The following MYT1 variants were observed in gnomAD, a reference collection of about 807,000 sequenced individuals.
The protein encoded by MYT1 is myelin transcription factor 1, also known as myelin transcription factor I.
A neutral mutation model predicts 123.0 loss-of-function variants in MYT1; 23 were observed. The observed-to-expected ratio is 0.19, with a 90% CI of 0.13 to 0.26. MYT1 has a LOEUF of 0.26. Among genes scored for constraint, MYT1 ranks in the 10% least tolerant of loss-of-function variants. MYT1 has a pLI of 1.00. For missense variants in MYT1, 1,125 were observed against 1,472.5 expected (o/e 0.76, Z 3.86); for synonymous variants, 518 against 575.3 (o/e 0.90, Z 1.43).
At chr20:64,237,482 A>G in intron 21 of MYT1, 92 bp downstream of exon 21, 1 of 998,392 alleles carries the variant, frequency 1.0e-6, no homozygotes, top group Non-Finnish European at 1.5e-6. Context: ...GGCACTCATC[A>G]AGGTTGCTGT....
chr20:64,194,832 C>T (rs1274075591), intron 2 of MYT1, among the ~76,000 whole-genome samples: 1 of 152,212 alleles, frequency 6.6e-6, no homozygotes, highest in African/African-American at 2.4e-5. Flanking sequence ...GAAGCTGAGT[C>T]TACCATTTCC....
At chr20:64,177,367 G>A (rs914676418) in intron 1 of MYT1, among the ~76,000 whole-genome samples, 1 of 151,610 alleles carries the variant, frequency 6.6e-6, no homozygotes, top group Non-Finnish European at 1.5e-5. Context: ...ACTTCTCTCT[G>A]GATTCCAGAG....
intron 16 of MYT1, among the ~76,000 whole-genome samples, chr20:64,225,091 G>C (rs1335995828): frequency 3.9e-5 from 6 of 152,262 alleles, no homozygotes; most frequent in South Asian, 2.1e-4. Context: ...CGGCCTCCAG[G>C]CTCCTTCAGA....
chr20:64,216,974 C>A, intron 10 of MYT1, 93 bp from the exon 11 acceptor site: 2 of 1,203,520 alleles, frequency 1.7e-6, no homozygotes, highest in Non-Finnish European at 2.4e-6. Flanking sequence ...CGCTGTGAGG[C>A]CCCTGCCTGG....
chr20:64,236,610 G>A lies in MYT1; in HGVS notation c.2953G>A (p.Asp985Asn). 2 of 1,613,752 alleles carry A rather than the reference G, an allele frequency of 1.2e-6. No homozygotes were observed. Among genetic ancestry groups the A allele is most frequent in the Non-Finnish European group, 1.7e-6 (2 of 1,179,862 alleles). The stretch of plus-strand genomic sequence containing the variant: ...TGGAAAGAAGGGAAAACTGTCAGGG[G>A]ATGAGGTCCTCAGTCCAAAGTTCAA... The part of the protein sequence containing the change: ...FAGKKGKLSG[D>N]EVLSPKFKTS... Residue 985 changes from aspartate (D) to asparagine (N), a missense_variant, in exon 20 of 23, where the codon GAT becomes AAT. Physicochemically the swap from Asp to Asn is conservative, Grantham distance 23. Coordinates refer to ENST00000328439, the MANE Select transcript of MYT1 (RefSeq NM_004535.3).
chr20:64,223,423 G>C, intron 16 of MYT1, 64 bp downstream of exon 16: 1 of 1,574,014 alleles, frequency 6.4e-7, no homozygotes, highest in Non-Finnish European at 8.7e-7. Context: ...CTCCTTCCAT[G>C]AGGCTCCTGC....
intron 19 of MYT1, among the ~76,000 whole-genome samples, chr20:64,234,585 T>A (rs1320406091): frequency 6.6e-6 from 1 of 150,620 alleles, no homozygotes; most frequent in Non-Finnish European, 1.5e-5. Context: ...CCGTAATGTG[T>A]GACCCTGGGC....
Position 64,231,376 on chromosome 20 carries a change from C to T in MYT1, c.2676-788C>T, listed in dbSNP as rs563506436. Reference sequence around the variant, plus strand: ...AGAGGTCATGGGCCTGGGCCCTCTGCGCTGTCCTGTTTGTCTCTGACCCAC... The same window carrying T: ...AGAGGTCATGGGCCTGGGCCCTCTGTGCTGTCCTGTTTGTCTCTGACCCAC... On this transcript the variant is annotated intron_variant, in intron 18 of 22. Coordinates refer to ENST00000328439, the MANE Select transcript of MYT1 (RefSeq NM_004535.3). The surrounding 1 kb of genome is among the most constrained non-coding windows in gnomAD (Gnocchi z 6.4). 4.1e-4 allele frequency among the ~76,000 whole-genome samples: 63 copies of T among 152,308 alleles called. No homozygotes were observed. Among genetic ancestry groups the T allele is most frequent in the Non-Finnish European group, 7.9e-4 (54 of 68,014 alleles).
intron 13 of MYT1, 32 bp downstream of exon 13, chr20:64,220,014 C>T (rs766944497): frequency 1.2e-5 from 17 of 1,438,558 alleles, no homozygotes; most frequent in Admixed American, 8.8e-5. Context: ...AGCAGTCAGG[C>T]GGCTGCAGCC....
chr20:64,199,014 G>C, intron 3 of MYT1, 98 bp downstream of exon 3: 1 of 1,311,222 alleles, frequency 7.6e-7, no homozygotes, highest in South Asian at 1.2e-5. Context: ...GTGCAGAGAT[G>C]CCCTGGGGAC....
intron 1 of MYT1, among the ~76,000 whole-genome samples, chr20:64,180,665 A>G (rs1269152401): frequency 6.6e-6 from 1 of 152,248 alleles, no homozygotes; most frequent in Non-Finnish European, 1.5e-5. Flanking sequence ...GGACAATCCA[A>G]GTATAATGGG....
chr20:64,188,494 G>C (rs1982874996), intron 1 of MYT1, among the ~76,000 whole-genome samples: 1 of 152,138 alleles, frequency 6.6e-6, no homozygotes, highest in Admixed American at 6.5e-5. Context: ...TTGGGGCCTT[G>C]TCTCTCAGCT....
At chr20:64,171,186 T>G (rs1335762887) in intron 1 of MYT1, among the ~76,000 whole-genome samples, 1 of 152,064 alleles carries the variant, frequency 6.6e-6, no homozygotes, top group Non-Finnish European at 1.5e-5. Flanking sequence ...CCCAAAGTGC[T>G]GGTATTACAG....
intron 4 of MYT1, among the ~76,000 whole-genome samples, chr20:64,200,990 T>G (rs1337217993): frequency 6.6e-6 from 1 of 152,060 alleles, no homozygotes; most frequent in Non-Finnish European, 1.5e-5. Flanking sequence ...GAAGCGGTGA[T>G]TGCGACGGCG....
At position 64,166,076 on chromosome 20, in the gene MYT1, C is replaced by G. The variant is rs564241151; in HGVS notation, c.-99+1337C>G. 4.6e-5 allele frequency among the ~76,000 whole-genome samples: 7 copies of G among 152,270 alleles called. No homozygotes were observed. In the South Asian group the frequency reaches 1.2e-3, roughly 27 times the overall value. ...GGAGGCTCCCCTCGGCCCCCAGCCT[C>G]CCTGCCACCCCGGGCTCCCCTCCCA... is the stretch of plus-strand genomic sequence containing the variant. On this transcript the variant is annotated intron_variant, in intron 1 of 22. Transcript: ENST00000328439. The surrounding 1 kb of genome is among the most constrained non-coding windows in gnomAD (Gnocchi z 4.9).
intron 6 of MYT1, 36 bp downstream of exon 6, chr20:64,205,836 G>A (rs748585757): frequency 5.6e-5 from 90 of 1,605,470 alleles, no homozygotes; most frequent in Non-Finnish European, 7.1e-5. Flanking sequence ...AATAAAGGGC[G>A]CTTAGTGTGG....
intron 10 of MYT1, among the ~76,000 whole-genome samples, chr20:64,215,112 T>C (rs752868708): frequency 6.6e-6 from 1 of 152,200 alleles, no homozygotes; most frequent in Admixed American, 6.5e-5. Flanking sequence ...CTCTATCTTA[T>C]TTGCTGTTCC....
intron 1 of MYT1, among the ~76,000 whole-genome samples, chr20:64,172,948 T>TG (rs1982331167): frequency 6.6e-6 from 1 of 151,874 alleles, no homozygotes; most frequent in Non-Finnish European, 1.5e-5. Flanking sequence ...AGGCTGGTCT[T>TG]TAACTCCTGC....
intron 10 of MYT1, among the ~76,000 whole-genome samples, chr20:64,214,203 G>C (rs1983769862): frequency 6.6e-6 from 1 of 152,202 alleles, no homozygotes; most frequent in Admixed American, 6.5e-5. Context: ...CAGTAGGTGT[G>C]TGTGAACATG....
Sources: allele counts gnomAD v4.1 joint callset (sites outside exome capture counted in the v4.1 genomes callset), GRCh38; gene constraint gnomAD v4.1.1; non-coding constraint Gnocchi (gnomAD v3.1); transcripts MANE v1.5; gene names NCBI Gene and HGNC (gene_info 2026-07-23, HGNC 2026-07-21).